Variants in AK3 observed in about 807,000 individuals in gnomAD.
AK3 encodes the protein adenylate kinase 3, also known as GTP:AMP phosphotransferase AK3, mitochondrial.
Under a neutral mutation model 23.7 loss-of-function variants are expected in AK3, and 27 were observed. That is an observed-to-expected ratio of 1.14 (90% CI 0.84 to 1.57). The LOEUF (loss-of-function observed/expected upper bound fraction) is 1.57, where lower values mean the gene tolerates loss of function less well. AK3 is among the 40% of genes most tolerant of loss of function. The pLI, the probability that AK3 is intolerant of heterozygous loss-of-function variation, is 0.00. For synonymous variants in AK3, 159 were observed against 116.0 expected (o/e 1.37, Z -2.38); for missense variants, 406 against 285.6 (o/e 1.42, Z -3.04).
chr9:4,727,186 T>C (rs955396529), intron 1 of AK3, among the ~76,000 whole-genome samples: 16 of 152,196 alleles, frequency 1.1e-4, no homozygotes, highest in African/African-American at 3.1e-4. Flanking sequence ...TAAATGAGCA[T>C]TGGCTTCAAC....
intron 1 of AK3, among the ~76,000 whole-genome samples, chr9:4,740,210 G>C (rs1225962613): frequency 2.0e-5 from 3 of 152,084 alleles, no homozygotes; most frequent in Non-Finnish European, 4.4e-5. Context: ...CCTGCGATTG[G>C]CTTTTCAAAA....
intron 1 of AK3, among the ~76,000 whole-genome samples, chr9:4,736,447 T>C (rs13292115): frequency 0.17 from 24,794 of 145,906 alleles, 2,574 homozygotes; most frequent in East Asian, 0.46. Context: ...GAATTGCCTA[T>C]TACAAATTAA....
chr9:4,720,285 T>C (rs1399087077), intron 2 of AK3, among the ~76,000 whole-genome samples: 1 of 152,324 alleles, frequency 6.6e-6, no homozygotes, highest in Non-Finnish European at 1.5e-5. Flanking sequence ...TTTAAAATAA[T>C]ACTTTGATCA....
At chr9:4,729,517 C>T (rs547389212) in intron 1 of AK3, among the ~76,000 whole-genome samples, 2 of 151,990 alleles carry the variant, frequency 1.3e-5, no homozygotes, top group South Asian at 2.1e-4. Context: ...AGCAATTCCT[C>T]CCCTCGCTAT....
intron 4 of AK3, among the ~76,000 whole-genome samples, chr9:4,717,534 A>G (rs1229600650): frequency 6.6e-6 from 1 of 152,194 alleles, no homozygotes. Flanking sequence ...CCTCCCCAGC[A>G]TTCATTCCAG....
At chr9:4,719,873 C>T (rs949276262) in intron 2 of AK3, among the ~76,000 whole-genome samples, 1 of 152,128 alleles carries the variant, frequency 6.6e-6, no homozygotes, top group Non-Finnish European at 1.5e-5. Context: ...CAAGACCAGC[C>T]TAGCCAACAT....
chr9:4,711,335 A>C lies in AK3; in HGVS notation c.*1641T>G, dbSNP rs1841556246. The C allele has an allele frequency of 6.6e-6, 1 of 152,192 alleles. No homozygotes were observed. The highest frequency in any genetic ancestry group is 6.6e-5 in the Admixed American group (1 of 15,182). 9.4% of individuals were successfully genotyped at this position (152,192 alleles called of 1,614,324 possible). A position where few individuals can be genotyped will look rare whatever the true frequency, so the allele number is the denominator to read the frequency against. ...AATATATGCTTGATAACCTAGTGAT[A>C]ATCCATAAGTTTGGTATTTCACAAC... is the stretch of plus-strand genomic sequence containing the variant. On this transcript the variant is annotated 3_prime_UTR_variant, in exon 5 of 5. Transcript: ENST00000381809.
chr9:4,729,216 G>T (rs1842098065), intron 1 of AK3, among the ~76,000 whole-genome samples: 1 of 151,876 alleles, frequency 6.6e-6, no homozygotes, highest in Non-Finnish European at 1.5e-5. Flanking sequence ...CACCATGTTG[G>T]TCAGGCTGGT....
chr9:4,718,392 G>A (rs780646241), intron 4 of AK3, 27 bp downstream of exon 4: 5 of 1,536,786 alleles, frequency 3.3e-6, no homozygotes, highest in Non-Finnish European at 4.5e-6. Flanking sequence ...CACTACGCAA[G>A]AGAAGTTCTG....
intron 1 of AK3, among the ~76,000 whole-genome samples, chr9:4,735,387 ATAAATATATATACATAT>A (rs1842259721): frequency 1.5e-5 from 2 of 130,884 alleles, no homozygotes; most frequent in Non-Finnish European, 1.6e-5. Context: ...ATATACATAT[ATAAATATATATACATAT>A]ATAAATATAT....
Position 4,711,440 on chromosome 9 carries a change from T to A in AK3, c.*1536A>T, listed in dbSNP as rs6915. On this transcript the variant is annotated 3_prime_UTR_variant, in exon 5 of 5. Coordinates refer to ENST00000381809, the MANE Select transcript of AK3 (RefSeq NM_016282.4). ...TATAAAGAATGAAGTGTTTCCTATA[T>A]TTCTTTTAAAAAACCTTGGTTCATC... is the stretch of plus-strand genomic sequence containing the variant. 0.6 allele frequency: 90,909 copies of A among 152,528 alleles called. 28,942 individuals are homozygous for A. Among genetic ancestry groups the A allele is most frequent in the African/African-American group, 0.83 (34,369 of 41,516 alleles). 9.4% of individuals were successfully genotyped at this position (152,528 alleles called of 1,614,324 possible). A position where few individuals can be genotyped will look rare whatever the true frequency, so the allele number is the denominator to read the frequency against.
intron 2 of AK3, among the ~76,000 whole-genome samples, 200 bp downstream of exon 2, chr9:4,722,306 A>G (rs976753070): frequency 2.0e-5 from 3 of 152,238 alleles, no homozygotes; most frequent in African/African-American, 7.2e-5. Context: ...AAGGGAGCTT[A>G]GAAATCATGC....
chr9:4,728,842 T>A (rs1293253476), intron 1 of AK3, among the ~76,000 whole-genome samples: 1 of 59,890 alleles, frequency 1.7e-5, no homozygotes, highest in South Asian at 5.5e-4. Flanking sequence ...CATATATATA[T>A]ATATATATAT....
At chr9:4,740,274 T>C (rs1842397529) in intron 1 of AK3, among the ~76,000 whole-genome samples, 1 of 152,160 alleles carries the variant, frequency 6.6e-6, no homozygotes, top group Non-Finnish European at 1.5e-5. Context: ...TTGTATAGTG[T>C]AGATTGTTAA....
chr9:4,723,064 C>G, intron 1 of AK3, among the ~76,000 whole-genome samples: 1 of 151,482 alleles, frequency 6.6e-6, no homozygotes, highest in Non-Finnish European at 1.5e-5. Context: ...GAGTGAGACT[C>G]CGTCTCAAAA....
chr9:4,737,114 A>G (rs1442443203), intron 1 of AK3, among the ~76,000 whole-genome samples: 5 of 151,872 alleles, frequency 3.3e-5, no homozygotes, highest in African/African-American at 1.2e-4. Context: ...GTTCTTTACT[A>G]TATAGTTTTT....
At chr9:4,732,820 C>G (rs964193908) in intron 1 of AK3, among the ~76,000 whole-genome samples, 1 of 151,800 alleles carries the variant, frequency 6.6e-6, no homozygotes, top group African/African-American at 2.4e-5. Context: ...AGTTATGAAG[C>G]ACAAAAGAGG....
intron 4 of AK3, among the ~76,000 whole-genome samples, chr9:4,713,899 CCTACGCCT>C (rs1841628981): frequency 1.6e-3 from 1 of 624 alleles, no homozygotes; most frequent in Non-Finnish European, 3.2e-3. Context: ...CATGCGTACA[CCTACGCCT>C]ACACATATAC....
At chr9:4,739,293 C>A (rs1377650577) in intron 1 of AK3, among the ~76,000 whole-genome samples, 1 of 151,442 alleles carries the variant, frequency 6.6e-6, no homozygotes, top group Non-Finnish European at 1.5e-5. Flanking sequence ...CAGGTTCAAG[C>A]GATTCTCTCT....
Sources: allele counts gnomAD v4.1 joint callset (sites outside exome capture counted in the v4.1 genomes callset), GRCh38; gene constraint gnomAD v4.1.1; transcripts MANE v1.5; gene names NCBI Gene and HGNC (gene_info 2026-07-23, HGNC 2026-07-21).